The following SMARCA2 variants were observed in gnomAD, a reference collection of about 807,000 sequenced individuals.
SMARCA2 encodes the protein SWI/SNF related BAF chromatin remodeling complex subunit ATPase 2, also known as SWI/SNF-related matrix-associated actin-dependent regulator of chromatin subfamily A member 2.
Under a neutral mutation model 199.8 loss-of-function variants are expected in SMARCA2, and 61 were observed. The ratio of observed to expected loss-of-function variants is 0.31; its 90% CI spans 0.25 to 0.38. The LOEUF is 0.38. SMARCA2 is among the 10% of genes least tolerant of loss of function. The pLI, the probability that SMARCA2 is intolerant of heterozygous loss-of-function variation, is 1.00. For missense variants in SMARCA2, 1,344 were observed against 2,012.2 expected, an observed-to-expected ratio of 0.67 and a Z score of 6.35; for synonymous variants, 935 against 732.0, an observed-to-expected ratio of 1.28 and a Z score of -4.48.
intron 20 of SMARCA2, 71 bp downstream of exon 20, chr9:2,096,835 C>A: frequency 1.1e-6 from 1 of 913,660 alleles, no homozygotes; most frequent in Non-Finnish European, 1.8e-6. Flanking sequence ...ATTGAATATT[C>A]ACAGGAAGCA....
rs185362639 is a variant in SMARCA2 at position 2,071,075 on chromosome 9, G to A, written c.1746+604G>A. On this transcript the variant is annotated intron_variant, in intron 10 of 33. Coordinates refer to ENST00000349721, the MANE Select transcript of SMARCA2 (RefSeq NM_003070.5). ...TTCCCTGCCAGCGATTCACAGTGAG[G>A]AGGCACACTCCCAGAGCAGGATGGG... 1.2e-3 allele frequency among the ~76,000 whole-genome samples: 178 copies of A among 152,202 alleles called. 2 individuals carry two copies. The highest frequency in any genetic ancestry group is 3.9e-3 in the African/African-American group (163 of 41,512).
chr9:2,052,909 C>A (rs1480926492), intron 5 of SMARCA2, among the ~76,000 whole-genome samples: 2 of 152,174 alleles, frequency 1.3e-5, no homozygotes, highest in Non-Finnish European at 2.9e-5. Context: ...AGTCTGTCCT[C>A]CCAGCTCTGT....
At chr9:2,136,080 T>G (rs1586741409) in intron 27 of SMARCA2, among the ~76,000 whole-genome samples, 1 of 151,756 alleles carries the variant, frequency 6.6e-6, no homozygotes, top group African/African-American at 2.4e-5. Flanking sequence ...GATCTCGTGA[T>G]CCGCCTGCCT....
intron 9 of SMARCA2, among the ~76,000 whole-genome samples, chr9:2,069,638 A>G (rs1304540705): frequency 6.6e-6 from 1 of 152,142 alleles, no homozygotes; most frequent in Non-Finnish European, 1.5e-5. Context: ...CCATTTACAC[A>G]TGGTAGAAAT....
Position 2,086,548 on chromosome 9 carries a change from AC to A in SMARCA2, c.2527-279del, listed in dbSNP as rs1352318192. Among the ~76,000 whole-genome samples, 1 of 152,236 alleles carries A rather than the reference AC, an allele frequency of 6.6e-6. No individual in the cohort carries two copies. Among genetic ancestry groups the A allele is most frequent in the East Asian group, 1.9e-4 (1 of 5,204 alleles). ...GAGGCAGGATCCACACGTGGAAACA[AC>A]CATGTCATTCTGGACCCAAATTTCC... On this transcript the variant is annotated intron_variant, in intron 17 of 33. Coordinates refer to ENST00000349721, the MANE Select transcript of SMARCA2 (RefSeq NM_003070.5). This position sits in a 1 kb window ranked among gnomAD's most constrained non-coding sequence, Gnocchi z 4.3.
Position 2,115,587 on chromosome 9 carries a change from C to A in SMARCA2, c.3457-235C>A, listed in dbSNP as rs552436693. 6.6e-6 allele frequency among the ~76,000 whole-genome samples: 1 copy of A among 152,300 alleles called. No homozygotes were observed. Among genetic ancestry groups the A allele is most frequent in the East Asian group, 1.9e-4 (1 of 5,190 alleles). On this transcript the variant is annotated intron_variant, in intron 24 of 33. Coordinates refer to ENST00000349721, the MANE Select transcript of SMARCA2 (RefSeq NM_003070.5). The surrounding 1 kb of genome is among the most constrained non-coding windows in gnomAD (Gnocchi z 6.0). ...TAAAAACAATATGATACCTGGATTT[C>A]AAAACCTGAGATGTATTTCAGTTGG... is the stretch of plus-strand genomic sequence containing the variant.
chr9:2,021,460 T>C (rs1280179469), intron 1 of SMARCA2, among the ~76,000 whole-genome samples: 1 of 152,216 alleles, frequency 6.6e-6, no homozygotes, highest in East Asian at 1.9e-4. Flanking sequence ...TGGTTCAGGA[T>C]GATTATATAT....
chr9:2,049,633 AG>A (rs1563732160), intron 5 of SMARCA2, among the ~76,000 whole-genome samples: 1 of 152,212 alleles, frequency 6.6e-6, no homozygotes, highest in Non-Finnish European at 1.5e-5. Flanking sequence ...CTGGAGAAGA[AG>A]CACAGTTTGG....
intron 18 of SMARCA2, 99 bp downstream of exon 18, chr9:2,087,170 G>A: frequency 2.1e-6 from 3 of 1,426,648 alleles, no homozygotes; most frequent in Non-Finnish European, 2.9e-6. Flanking sequence ...CCCGCAGGGT[G>A]GTTTCCACTG....
At position 2,056,686 on chromosome 9, in the gene SMARCA2, G is replaced by A; in HGVS notation, c.1188G>A (p.Val396=). The A allele has an allele frequency of 4.3e-6, 7 of 1,613,764 alleles. No individual in the cohort carries two copies. Among genetic ancestry groups the A allele is most frequent in the Non-Finnish European group, 5.9e-6 (7 of 1,179,864 alleles). The change falls in exon 7 of 34, where the codon GTG becomes GTA. Residue 396 remains valine, a synonymous_variant. Coordinates refer to ENST00000349721, the MANE Select transcript of SMARCA2 (RefSeq NM_003070.5). The surrounding 1 kb of genome is among the most constrained non-coding windows in gnomAD (Gnocchi z 4.0). The part of the protein sequence containing the change: ...LNFQRQLRQE[V]VACMRRDTTL... ...CTTCTTGACAGCTGAGACAGGAGGT[G>A]GTGGCCTGCATGCGCAGGGACACGA... is the stretch of plus-strand genomic sequence containing the variant.
intron 28 of SMARCA2, among the ~76,000 whole-genome samples, chr9:2,164,128 C>G (rs7861119): frequency 0.52 from 78,993 of 151,844 alleles, 21,115 homozygotes; most frequent in African/African-American, 0.64. Flanking sequence ...GTATGGAGTG[C>G]GTCGCCATTT....
chr9:2,063,010 G>T (rs976580027), intron 9 of SMARCA2, among the ~76,000 whole-genome samples: 1 of 152,128 alleles, frequency 6.6e-6, no homozygotes, highest in South Asian at 2.1e-4. Flanking sequence ...ATATCTTTGA[G>T]TATCTCCCAT....
chr9:2,040,027 TCTATCCTTGCTC>T, intron 4 of SMARCA2, 127 bp downstream of exon 4: 1 of 1,489,696 alleles, frequency 6.7e-7, no homozygotes, highest in Non-Finnish European at 9.0e-7. Context: ...TCACTGGCTC[TCTATCCTTGCTC>T]CACTTAGATG....
In SMARCA2 at chr9:2,169,092, A is replaced by C. The variant is rs1031725056; in HGVS notation, c.4200-1327A>C. On this transcript the variant is annotated intron_variant, in intron 28 of 33. Coordinates refer to ENST00000349721, the MANE Select transcript of SMARCA2 (RefSeq NM_003070.5). This position sits in a 1 kb window ranked among gnomAD's most constrained non-coding sequence, Gnocchi z 6.5. ...AAAGTGAAATAATGAAGACTTTCCC[A>C]ATTCTGTGCCTTATTGCTGACACTC... Among the ~76,000 whole-genome samples, 1 of 152,146 alleles carries C rather than the reference A, an allele frequency of 6.6e-6. No individual in the cohort carries two copies. The highest frequency in any genetic ancestry group is 1.5e-5 in the Non-Finnish European group (1 of 68,024).
chr9:2,115,672 T>C lies in SMARCA2; in HGVS notation c.3457-150T>C, dbSNP rs1823185318. 1 of 648,312 alleles carries C rather than the reference T, an allele frequency of 1.5e-6. No homozygotes were observed. The highest frequency in any genetic ancestry group is 2.8e-5 in the East Asian group (1 of 36,080). 40.2% of individuals were successfully genotyped at this position (648,312 alleles called of 1,614,324 possible). Reference sequence around the variant, plus strand: ...GAATGACACTGAATTTTTCCAAACGTAGCTTGTGTGTTTTTAAAATGTAGG... The same window carrying C: ...GAATGACACTGAATTTTTCCAAACGCAGCTTGTGTGTTTTTAAAATGTAGG... On this transcript the variant is annotated intron_variant, in intron 24 of 33. Transcript: ENST00000349721. The surrounding 1 kb of genome is among the most constrained non-coding windows in gnomAD (Gnocchi z 6.0).
At position 2,056,520 on chromosome 9, in the gene SMARCA2, G is replaced by A; in HGVS notation, c.1174-152G>A. ...ATTGCATACATTTGGCATGATTTTA[G>A]TTCCTTCATTTAATACAAACCAAAG... On this transcript the variant is annotated intron_variant, in intron 6 of 33. Coordinates refer to ENST00000349721, the MANE Select transcript of SMARCA2 (RefSeq NM_003070.5). This position sits in a 1 kb window ranked among gnomAD's most constrained non-coding sequence, Gnocchi z 4.0. 1.7e-6 allele frequency: 1 copy of A among 589,042 alleles called. No individual in the cohort carries two copies. The highest frequency in any genetic ancestry group is 3.0e-5 in the East Asian group (1 of 32,920). 36.5% of individuals were successfully genotyped at this position (589,042 alleles called of 1,614,324 possible). A position where few individuals can be genotyped will look rare whatever the true frequency, so the allele number is the denominator to read the frequency against.
At chr9:2,052,113 A>G (rs1287680139) in intron 5 of SMARCA2, among the ~76,000 whole-genome samples, 1 of 152,254 alleles carries the variant, frequency 6.6e-6, no homozygotes, top group African/African-American at 2.4e-5. Flanking sequence ...TGCATGAAAT[A>G]CAAAACTTTC....
intron 9 of SMARCA2, among the ~76,000 whole-genome samples, chr9:2,067,251 T>A (rs1237422800): frequency 1.3e-5 from 2 of 152,270 alleles, no homozygotes; most frequent in African/African-American, 4.8e-5. Context: ...AATAATTTAA[T>A]GAGCATATGC....
At chr9:2,107,632 A>T (rs184688731) in intron 23 of SMARCA2, among the ~76,000 whole-genome samples, 81 of 152,316 alleles carry the variant, frequency 5.3e-4, no homozygotes, top group Non-Finnish European at 9.0e-4. Flanking sequence ...CAGTTTAAAT[A>T]CACACCAGAT....
Sources: gnomAD v4.1 joint callset for allele counts (sites outside exome capture counted in the v4.1 genomes callset) on GRCh38, gnomAD v4.1.1 for gene constraint, Gnocchi (gnomAD v3.1) non-coding constraint, MANE v1.5 for transcripts, NCBI Gene and HGNC (gene_info 2026-07-23, HGNC 2026-07-21) for gene names.